The following VKORC1L1 variants were observed in gnomAD, a reference collection of about 807,000 sequenced individuals.
The protein encoded by VKORC1L1 is vitamin K epoxide reductase complex subunit 1L1, also known as vitamin K epoxide reductase complex subunit 1-like protein 1.
In VKORC1L1, 2 loss-of-function variants were observed where a neutral mutation model predicts 18.9. The observed-to-expected ratio is 0.11, with a 90% CI of 0.04 to 0.33. The LOEUF (loss-of-function observed/expected upper bound fraction) is 0.33. VKORC1L1 is among the 10% of genes least tolerant of loss of function. VKORC1L1 has a pLI of 1.00. For synonymous variants in VKORC1L1, 96 were observed against 100.0 expected (o/e 0.96, Z 0.24); for missense variants, 123 against 224.1 (o/e 0.55, Z 2.88).
At chr7:65,878,209 G>T (rs1451263543) in intron 1 of VKORC1L1, among the ~76,000 whole-genome samples, 1 of 152,128 alleles carries the variant, frequency 6.6e-6, no homozygotes, top group Non-Finnish European at 1.5e-5. Flanking sequence ...ACTTTGGGAG[G>T]CTGAGGTGGG....
chr7:65,908,836 CAA>C (rs5884577), intron 1 of VKORC1L1, among the ~76,000 whole-genome samples: 5 of 104,918 alleles, frequency 4.8e-5, no homozygotes, highest in Admixed American at 1.0e-4. Context: ...GACTCCATCT[CAA>C]AAAAAAAAAA....
Sources: allele counts gnomAD v4.1 joint callset (sites outside exome capture counted in the v4.1 genomes callset), GRCh38; gene constraint gnomAD v4.1.1; transcripts MANE v1.5; gene names NCBI Gene and HGNC (gene_info 2026-07-23, HGNC 2026-07-21).